Variants in DSE observed in about 807,000 individuals in gnomAD.
DSE encodes the protein dermatan-sulfate epimerase.
DSE carries 36 observed loss-of-function variants against 84.4 expected under a neutral mutation model. The ratio of observed to expected loss-of-function variants is 0.43; its 90% CI spans 0.33 to 0.56. The LOEUF (loss-of-function observed/expected upper bound fraction) is 0.56, where lower values mean the gene tolerates loss of function less well. Ranked by LOEUF, DSE falls within the 20% of genes least tolerant of loss-of-function variation. The pLI is 0.06. For missense variants in DSE, 862 were observed against 1,169.6 expected (o/e 0.74, Z 3.84); for synonymous variants, 410 against 430.1 (o/e 0.95, Z 0.58).
At chr6:116,434,046 T>G (rs545566115) in intron 5 of DSE, among the ~76,000 whole-genome samples, 1 of 152,328 alleles carries the variant, frequency 6.6e-6, no homozygotes, top group South Asian at 2.1e-4. Context: ...AATGGAGCAT[T>G]ATAATCTTCT....
chr6:116,404,992 T>TG (rs1562287315), intron 2 of DSE, among the ~76,000 whole-genome samples: 2 of 151,522 alleles, frequency 1.3e-5, no homozygotes, highest in African/African-American at 4.8e-5. Flanking sequence ...TTGTGTTTTT[T>TG]TTTTTTTTTT....
chr6:116,355,022 C>T (rs1036379261), intron 2 of DSE, among the ~76,000 whole-genome samples: 1 of 152,184 alleles, frequency 6.6e-6, no homozygotes, highest in Non-Finnish European at 1.5e-5. Context: ...TAGACACATA[C>T]ATATATAAAG....
intron 2 of DSE, among the ~76,000 whole-genome samples, chr6:116,355,971 G>A (rs1268382306): frequency 2.6e-5 from 4 of 152,254 alleles, no homozygotes; most frequent in Non-Finnish European, 4.4e-5. Context: ...AACATAGTTC[G>A]CCCAATAACT....
intron 5 of DSE, 104 bp from the exon 6 acceptor site, chr6:116,435,483 A>C (rs1784088781): frequency 8.6e-7 from 1 of 1,167,646 alleles, no homozygotes; most frequent in Non-Finnish European, 1.2e-6. Context: ...CTGCACTGCC[A>C]GTGCTCTGGG....
At chr6:116,370,350 A>C (rs1375237951), upstream of DSE, 1 of 575,080 alleles carries the variant, frequency 1.7e-6, no homozygotes, top group Non-Finnish European at 2.2e-6. Context: ...GTACAGTAAA[A>C]AAGAGAACTG....
At chr6:116,342,281 G>GTTT (rs34996201) in intron 2 of DSE, among the ~76,000 whole-genome samples, 82 of 133,622 alleles carry the variant, frequency 6.1e-4, no homozygotes, top group African/African-American at 9.0e-4. Context: ...TATTGTTGCT[G>GTTT]TTTTTTTTTT....
chr6:116,360,289 C>T (rs1562252991), intron 2 of DSE, among the ~76,000 whole-genome samples: 1 of 152,162 alleles, frequency 6.6e-6, no homozygotes, highest in Non-Finnish European at 1.5e-5. Context: ...ACCACCATGG[C>T]ACACATTTAC....
chr6:116,401,586 G>A (rs973812962), intron 2 of DSE, among the ~76,000 whole-genome samples: 3 of 152,100 alleles, frequency 2.0e-5, no homozygotes, highest in African/African-American at 7.2e-5. Flanking sequence ...CTATTATTAA[G>A]TTGTGTTGTT....
At chr6:116,354,150 G>T (rs1292788504) in intron 2 of DSE, among the ~76,000 whole-genome samples, 1 of 152,114 alleles carries the variant, frequency 6.6e-6, no homozygotes, top group Non-Finnish European at 1.5e-5. Context: ...TCAGGTCCTT[G>T]ATATATGAGG....
intron 2 of DSE, among the ~76,000 whole-genome samples, chr6:116,413,626 T>C (rs989443454): frequency 1.3e-5 from 2 of 152,222 alleles, no homozygotes; most frequent in African/African-American, 4.8e-5. Context: ...TCAGCCACAG[T>C]TCATTCACTG....
At position 116,441,281 on chromosome 6, in the gene DSE, A is replaced by G. The variant is rs1028832815; in HGVS notation, c.*3936A>G. On this transcript the variant is annotated 3_prime_UTR_variant, in exon 6 of 6. Coordinates refer to ENST00000644252, the MANE Select transcript of DSE (RefSeq NM_013352.4). ...GTTGCATTATGACTTTTCTTCTTGC[A>G]TATACAGTTTCCCTCTTGGTTTTGG... 4.6e-5 allele frequency: 7 copies of G among 152,252 alleles called. No homozygotes were observed. Among genetic ancestry groups the G allele is most frequent in the African/African-American group, 1.7e-4 (7 of 41,464 alleles). The allele number at this position is 152,252 out of a possible 1,614,324, so 9.4% of individuals were successfully genotyped here. A position where few individuals can be genotyped will look rare whatever the true frequency, so the allele number is the denominator to read the frequency against.
chr6:116,348,869 T>G (rs1351696437), intron 2 of DSE, among the ~76,000 whole-genome samples: 1 of 150,938 alleles, frequency 6.6e-6, no homozygotes. Flanking sequence ...GCAAACTATC[T>G]CAAGGACAGA....
chr6:116,399,075 T>G, intron 1 of DSE, 123 bp from the exon 2 acceptor site: 1 of 832,144 alleles, frequency 1.2e-6, no homozygotes, highest in East Asian at 2.7e-5. Context: ...TTTTGTTGTA[T>G]TTTTAAAAAT....
At chr6:116,310,076 A>G (rs1160481120) in intron 2 of DSE, among the ~76,000 whole-genome samples, 1 of 152,204 alleles carries the variant, frequency 6.6e-6, no homozygotes, top group African/African-American at 2.4e-5. Flanking sequence ...CCTCACATAT[A>G]TAATCTTATT....
chr6:116,279,931 A>C, intron 2 of DSE: 1 of 1,543,942 alleles, frequency 6.5e-7, no homozygotes, highest in Non-Finnish European at 8.9e-7. Context: ...CAGTCTCACT[A>C]ACATTTCAGC....
intron 1 of DSE, chr6:116,258,403 C>G (rs749221942): frequency 1.6e-5 from 11 of 693,960 alleles, no homozygotes; most frequent in Admixed American, 4.2e-5. Context: ...TTTTTAAAGT[C>G]ATTATAATAA....
At chr6:116,290,364 G>T (rs564150088) in intron 2 of DSE, among the ~76,000 whole-genome samples, 1 of 152,114 alleles carries the variant, frequency 6.6e-6, no homozygotes, top group African/African-American at 2.4e-5. Flanking sequence ...AACAGCCATG[G>T]AAACTTTAAT....
intron 2 of DSE, among the ~76,000 whole-genome samples, chr6:116,353,020 A>G (rs1374890825): frequency 6.6e-6 from 1 of 152,218 alleles, no homozygotes; most frequent in Non-Finnish European, 1.5e-5. Flanking sequence ...GTCCCTTAAT[A>G]GGGTAAGAGA....
intron 2 of DSE, 59 bp from the exon 3 acceptor site, chr6:116,426,515 A>C: frequency 6.3e-7 from 1 of 1,579,016 alleles, no homozygotes; most frequent in South Asian, 1.2e-5. Context: ...ACACTTTAGA[A>C]GTGTGGTGAA....
Sources: gnomAD v4.1 joint callset for allele counts (sites outside exome capture counted in the v4.1 genomes callset) on GRCh38, gnomAD v4.1.1 for gene constraint, MANE v1.5 for transcripts, NCBI Gene and HGNC (gene_info 2026-07-23, HGNC 2026-07-21) for gene names.